PIGX: variants seen among roughly 807,000 people sequenced by gnomAD.
PIGX encodes the protein phosphatidylinositol glycan anchor biosynthesis class X, also known as GPI alpha-1,4-mannosyltransferase I, stabilizing subunit.
PIGX carries 24 observed loss-of-function variants against 28.7 expected under a neutral mutation model. The ratio of observed to expected loss-of-function variants is 0.84; its 90% CI spans 0.60 to 1.17. The LOEUF (loss-of-function observed/expected upper bound fraction) is 1.17. PIGX is among the 50% of genes most tolerant of loss of function. PIGX has a pLI of 0.00. For missense variants in PIGX, 305 were observed against 317.8 expected (o/e 0.96, Z 0.31); for synonymous variants, 127 against 121.0 (o/e 1.05, Z -0.33).
rs199645579 is a variant in PIGX at position 196,722,537 on chromosome 3, G to A, written c.299G>A (p.Arg100Gln). Reference sequence around the variant, plus strand: ...GATCCGTATGAGTTGGCTTCATTACGAGAGAGAAACATAACAGAGGTACAG... The same window carrying A: ...GATCCGTATGAGTTGGCTTCATTACAAGAGAGAAACATAACAGAGGTACAG... The change falls in exon 3 of 6, where the codon CGA becomes CAA. Residue 100 changes from arginine to glutamine, a missense_variant. By Grantham distance (43) the Arg-to-Gln change is conservative (BLOSUM62 1). Coordinates refer to ENST00000392391, the MANE Select transcript of PIGX (RefSeq NM_017861.4). The A allele has an allele frequency of 1.8e-4, 285 of 1,613,524 alleles. 2 individuals carry two copies. The Middle Eastern group carries it at 2.3e-3, about 13-fold the overall frequency.
chr3:196,720,981 A>C (rs1465596448), intron 2 of PIGX, among the ~76,000 whole-genome samples: 1 of 151,952 alleles, frequency 6.6e-6, no homozygotes, highest in Non-Finnish European at 1.5e-5. Context: ...TAATCTCTCC[A>C]TCATTATTGA....
chr3:196,712,515 C>T lies in PIGX; in HGVS notation c.-18C>T. 8.8e-7 allele frequency: 1 copy of T among 1,132,890 alleles called. No homozygotes were observed. The highest frequency in any genetic ancestry group is 1.1e-6 in the Non-Finnish European group (1 of 917,284). The allele number at this position is 1,132,890 out of a possible 1,614,324, so 70.2% of individuals were successfully genotyped here. ...CCTGGCCCCGCGCGCCCCTCTCGGGCGTCCGGCTTCCGGCGTCCTGGCGGC... is the reference window on the plus strand; with the variant it reads ...CCTGGCCCCGCGCGCCCCTCTCGGGTGTCCGGCTTCCGGCGTCCTGGCGGC... On this transcript the variant is annotated 5_prime_UTR_variant, in exon 1 of 6. Transcript: ENST00000392391.
intron 1 of PIGX, 111 bp downstream of exon 1, chr3:196,712,755 G>A: frequency 9.1e-7 from 1 of 1,102,278 alleles, no homozygotes; most frequent in African/African-American, 1.7e-5. Context: ...GATCAGTAGG[G>A]CGAGCCGGAG....
At chr3:196,712,884 G>A in intron 1 of PIGX, 1 of 1,069,784 alleles carries the variant, frequency 9.3e-7, no homozygotes, top group Non-Finnish European at 1.1e-6. Flanking sequence ...TGGACTGGCC[G>A]CCCTGTTACT....
At chr3:196,719,537 T>C (rs888700312) in intron 2 of PIGX, among the ~76,000 whole-genome samples, 2 of 152,216 alleles carry the variant, frequency 1.3e-5, no homozygotes, top group Non-Finnish European at 2.9e-5. Context: ...TTTGTTGCTT[T>C]AGGGTTTACA....
chr3:196,713,000 G>C, intron 1 of PIGX: 2 of 992,524 alleles, frequency 2.0e-6, no homozygotes, highest in Non-Finnish European at 2.4e-6. Context: ...CGCCCTGTGA[G>C]GCCTGAGAAT....
In PIGX at chr3:196,712,623, A is replaced by C. The variant is rs1711869012; in HGVS notation, c.91A>C (p.Thr31Pro). The change falls in exon 1 of 6, where the codon ACC (threonine) becomes CCC (proline). Residue 31 changes from threonine to proline, a missense_variant. Thr to Pro is a conservative substitution (Grantham distance 38, BLOSUM62 -1). Transcript: ENST00000392391. The stretch of plus-strand genomic sequence containing the variant: ...CACGCGCGGGCCCGCCGCGGCCTTC[A>C]CCGCCGCGCGCTCTGACGCCGGTAA... The C allele has an allele frequency of 8.4e-7, 1 of 1,186,860 alleles. No individual in the cohort carries two copies. Among genetic ancestry groups the C allele is most frequent in the Non-Finnish European group, 1.0e-6 (1 of 959,484 alleles). The allele number at this position is 1,186,860 out of a possible 1,614,324, so 73.5% of individuals were successfully genotyped here.
At chr3:196,730,120 A>C (rs1341460944) in intron 4 of PIGX, among the ~76,000 whole-genome samples, 1 of 151,946 alleles carries the variant, frequency 6.6e-6, no homozygotes, top group Admixed American at 6.6e-5. Context: ...ACAGATGGGA[A>C]GTTTTTAATA....
intron 3 of PIGX, among the ~76,000 whole-genome samples, chr3:196,724,023 T>G (rs1377348929): frequency 2.2e-5 from 3 of 134,862 alleles, no homozygotes; most frequent in South Asian, 2.4e-4. Flanking sequence ...TAATTTAATG[T>G]TTTTTTTTTT....
In PIGX at chr3:196,735,316, A is replaced by AAAAAAAAAAAAAAAAAAAC. The variant is rs1424799023; in HGVS notation, c.*1422_*1423insAAAAAAAAAACAAAAAAAA. ...TCTCAAAAAAAAAAAAAAAAAAAAA[A>AAAAAAAAAAAAAAAAAAAC]AAAAAAAAGTAAATAAAACCTTAGG... On this transcript the variant is annotated 3_prime_UTR_variant, in exon 6 of 6. Coordinates refer to ENST00000392391, the MANE Select transcript of PIGX (RefSeq NM_017861.4). The AAAAAAAAAAAAAAAAAAAC allele has an allele frequency of 6.6e-6, 1 of 150,426 alleles. No homozygotes were observed. The highest frequency in any genetic ancestry group is 2.0e-4 in the East Asian group (1 of 5,100). 9.3% of individuals were successfully genotyped at this position (150,426 alleles called of 1,614,324 possible).
intron 1 of PIGX, among the ~76,000 whole-genome samples, chr3:196,716,431 G>A (rs2108675671): frequency 6.6e-6 from 1 of 152,228 alleles, no homozygotes; most frequent in Non-Finnish European, 1.5e-5. Flanking sequence ...TGGCTCTTTA[G>A]CCATCCTGTT....
intron 2 of PIGX, chr3:196,717,676 A>G (rs1462167770): frequency 6.6e-6 from 1 of 152,214 alleles, no homozygotes; most frequent in African/African-American, 2.4e-5. Context: ...TGAGGGAGGT[A>G]GAGCTCAAAC....
At chr3:196,725,891 T>C (rs1712500650) in intron 3 of PIGX, among the ~76,000 whole-genome samples, 1 of 152,130 alleles carries the variant, frequency 6.6e-6, no homozygotes, top group African/African-American at 2.4e-5. Flanking sequence ...AAACAAAACC[T>C]TAAAAAAATA....
chr3:196,720,020 C>T (rs572233759), intron 2 of PIGX, among the ~76,000 whole-genome samples: 27 of 152,316 alleles, frequency 1.8e-4, no homozygotes, highest in South Asian at 8.3e-4. Flanking sequence ...CCTCGTGATC[C>T]GCCTGCTTCG....
At chr3:196,723,668 T>C (rs2108682458) in intron 3 of PIGX, among the ~76,000 whole-genome samples, 1 of 151,226 alleles carries the variant, frequency 6.6e-6, no homozygotes, top group South Asian at 2.1e-4. Flanking sequence ...ATATGTAACC[T>C]AGGTGATTTC....
At chr3:196,731,908 C>G (rs1172645909) in intron 5 of PIGX, among the ~76,000 whole-genome samples, 1 of 151,796 alleles carries the variant, frequency 6.6e-6, no homozygotes, top group Non-Finnish European at 1.5e-5. Flanking sequence ...CTCACTGCAA[C>G]CTCCGCCTCC....
intron 2 of PIGX, chr3:196,721,064 C>G (rs980123103): frequency 1.6e-5 from 4 of 247,072 alleles, no homozygotes; most frequent in African/African-American, 9.4e-5. Flanking sequence ...ATTTATCCTG[C>G]TTAGGGTTGG....
intron 2 of PIGX, chr3:196,721,267 T>C (rs1038715741): frequency 6.5e-6 from 2 of 306,074 alleles, no homozygotes; most frequent in Non-Finnish European, 1.3e-5. Flanking sequence ...TTTTCCTCTC[T>C]GTGCTTCAGT....
intron 4 of PIGX, among the ~76,000 whole-genome samples, chr3:196,730,067 C>CAAA (rs779405650): frequency 9.8e-6 from 1 of 102,442 alleles, no homozygotes; most frequent in Non-Finnish European, 2.1e-5. Context: ...AAGACTGTCT[C>CAAA]AAAAAAAAAA....
Sources: gnomAD v4.1 joint callset for allele counts (sites outside exome capture counted in the v4.1 genomes callset) on GRCh38, gnomAD v4.1.1 for gene constraint, MANE v1.5 for transcripts, NCBI Gene and HGNC (gene_info 2026-07-23, HGNC 2026-07-21) for gene names.